Variants in RPS16 observed in about 807,000 individuals in gnomAD.
RPS16 encodes the protein small ribosomal subunit protein uS9.
RPS16 carries 2 observed loss-of-function variants against 20.1 expected under a neutral mutation model. That is an observed-to-expected ratio of 0.10 (90% CI 0.04 to 0.31). RPS16 has a LOEUF of 0.31. Among genes scored for constraint, RPS16 ranks in the 10% least tolerant of loss-of-function variants. The pLI, the probability that RPS16 is intolerant of heterozygous loss-of-function variation, is 1.00. For synonymous variants in RPS16, 95 were observed against 76.1 expected, an observed-to-expected ratio of 1.25 and a Z score of -1.29; for missense variants, 129 against 198.6, an observed-to-expected ratio of 0.65 and a Z score of 2.11.
Position 39,435,799 on chromosome 19 carries a change from A to ACCCTGGCCTTCTCCTTCCCCTC in RPS16, c.48+27_48+48dup, listed in dbSNP as rs1171394072. 1.9e-6 allele frequency: 3 copies of ACCCTGGCCTTCTCCTTCCCCTC among 1,608,738 alleles called. No individual in the cohort carries two copies. The Admixed American group carries it at 5.0e-5, about 27-fold the overall frequency. ...ATTCCTGCCCACCGACCTCTCCCAGACCCTGGCCTTCTCCTTCCCCTCCCC... is the reference window on the plus strand; with the variant it reads ...ATTCCTGCCCACCGACCTCTCCCAGACCCTGGCCTTCTCCTTCCCCTCCCCTGGCCTTCTCCTTCCCCTCCCC... On this transcript the variant is annotated intron_variant, in intron 1 of 4. Transcript: ENST00000251453.
chr19:39,435,342 C>T (rs967462499), intron 2 of RPS16: 1 of 486,200 alleles, frequency 2.1e-6, no homozygotes, highest in Non-Finnish European at 3.6e-6. Flanking sequence ...TCCCTTCACC[C>T]TTTGGGTCCC....
In RPS16 at chr19:39,433,779, G is replaced by C. The variant is rs770955255; in HGVS notation, c.151-18C>G. On this transcript the variant is annotated intron_variant, in intron 2 of 4. Coordinates refer to ENST00000251453, the MANE Select transcript of RPS16 (RefSeq NM_001020.6). ...TCCAGCAGCTAAAGGAATGGGGAAT[G>C]AACAGGGATTTAAGTTACATGCTGG... The C allele has an allele frequency of 1.2e-6, 2 of 1,612,282 alleles. No individual in the cohort carries two copies. Among genetic ancestry groups the C allele is most frequent in the South Asian group, 1.1e-5 (1 of 90,874 alleles).
chr19:39,435,644 G>T lies in RPS16; in HGVS notation c.113C>A (p.Pro38His), dbSNP rs761443131. Residue 38 changes from proline (P) to histidine (H), a missense_variant, in exon 2 of 5, where the codon CCC (proline) becomes CAC (histidine). By Grantham distance (77) the Pro-to-His change is moderately conservative. This residue lies in a region of RPS16 where 117 missense variants were observed against 151.4 expected (regional missense o/e 0.77). Transcript: ENST00000251453. ...GNGLIKVNGR[P>H]LEMIEPRTLQ... ...CGTGCGCGGCTCAATCATCTCCAGG[G>T]GCCGCCCGTTCACCTTGATGAGACC... 2 of 1,613,942 alleles carry T rather than the reference G, an allele frequency of 1.2e-6. No individual in the cohort carries two copies. Among genetic ancestry groups the T allele is most frequent in the Non-Finnish European group, 1.7e-6 (2 of 1,180,028 alleles).
chr19:39,435,878 C>T lies in RPS16; in HGVS notation c.18G>A (p.Pro6=), dbSNP rs1251567946. Residue 6 remains proline, a synonymous_variant, in exon 1 of 5, where the codon CCG becomes CCA. Transcript: ENST00000251453. ...GTCCGAAGACCTGCACAGACTGCAGCGGGCCCTTGGACGGCATGGCTCCGA... is the reference window on the plus strand; with the variant it reads ...GTCCGAAGACCTGCACAGACTGCAGTGGGCCCTTGGACGGCATGGCTCCGA... The part of the protein sequence containing the change: MPSKG[P]LQSVQVFGRK... 1 of 1,607,952 alleles carries T rather than the reference C, an allele frequency of 6.2e-7. No homozygotes were observed. Among genetic ancestry groups the T allele is most frequent in the Non-Finnish European group, 8.5e-7 (1 of 1,179,968 alleles).
chr19:39,433,671 T>C lies in RPS16; in HGVS notation c.241A>G (p.Ile81Val). The part of the protein sequence containing the change: ...RVKGGGHVAQ[I>V]YAIRQSISKA... ...CCCAGTTCCTGGGACTCACCATAAA[T>C]CTGGGCCACGTGACCACCACCCTTT... The change falls in exon 3 of 5, where the codon ATT becomes GTT. Residue 81 changes from isoleucine to valine, a missense_variant. By Grantham distance (29) the Ile-to-Val change is conservative. This residue lies in a region of RPS16 where 117 missense variants were observed against 151.4 expected (regional missense o/e 0.77). Coordinates refer to ENST00000251453, the MANE Select transcript of RPS16 (RefSeq NM_001020.6). 6.2e-7 allele frequency: 1 copy of C among 1,614,142 alleles called. No homozygotes were observed. The highest frequency in any genetic ancestry group is 1.7e-5 in the Admixed American group (1 of 60,014).
chr19:39,433,749 C>G lies in RPS16; in HGVS notation c.163G>C (p.Val55Leu), dbSNP rs370701690. 4 of 1,614,014 alleles carry G rather than the reference C, an allele frequency of 2.5e-6. No individual in the cohort carries two copies. In the African/African-American group the frequency reaches 5.3e-5, roughly 22 times the overall value. The change falls in exon 3 of 5, where the codon GTT becomes CTT. Residue 55 changes from valine to leucine, a missense_variant. By Grantham distance (32) the Val-to-Leu change is conservative. Transcript: ENST00000251453. ...RTLQYKLLEP[V>L]LLLGKERFAG... The stretch of plus-strand genomic sequence containing the variant: ...AATCGCTCCTTGCCGAGAAGCAGAA[C>G]TGGCTCCAGCAGCTAAAGGAATGGG...
chr19:39,435,392 C>A (rs952924092), intron 2 of RPS16: 55 of 551,490 alleles, frequency 1.0e-4, no homozygotes, highest in Non-Finnish European at 1.6e-4. Flanking sequence ...TCCCAGTTCT[C>A]AAAGCAAACC....
Position 39,435,908 on chromosome 19 carries a change from G to T in RPS16, c.-13C>A, listed in dbSNP as rs371099667. Reference sequence around the variant, plus strand: ...CCTTGGACGGCATGGCTCCGAGCGTGGACTAGACAACCTCACCGCGCGGCG... The same window carrying T: ...CCTTGGACGGCATGGCTCCGAGCGTTGACTAGACAACCTCACCGCGCGGCG... On this transcript the variant is annotated 5_prime_UTR_variant, in exon 1 of 5. Transcript: ENST00000251453. 7.5e-6 allele frequency: 12 copies of T among 1,604,076 alleles called. No individual in the cohort carries two copies. Among genetic ancestry groups the T allele is most frequent in the Middle Eastern group, 1.7e-4 (1 of 6,060 alleles).
In RPS16 at chr19:39,433,338, G is replaced by A. The variant is rs577860699; in HGVS notation, c.376C>T (p.Arg126Cys). ...CCTCCAAACTTTTTGGACTCGCAGC[G>A]ACGAGGGTCAGCTACCAGCAGGGTC... ...DRTLLVADPR[R>C]CESKKFGGPG... Residue 126 changes from arginine (R) to cysteine (C), a missense_variant, in exon 5 of 5, where the codon CGC (arginine) becomes TGC (cysteine). Arg to Cys is a radical substitution (Grantham distance 180). This residue lies in a region of RPS16 where 12 missense variants were observed against 47.2 expected (regional missense o/e 0.25). Coordinates refer to ENST00000251453, the MANE Select transcript of RPS16 (RefSeq NM_001020.6). The A allele has an allele frequency of 2.4e-5, 38 of 1,614,052 alleles. No individual in the cohort carries two copies. Among genetic ancestry groups the A allele is most frequent in the African/African-American group, 6.7e-5 (5 of 75,034 alleles).
intron 2 of RPS16, chr19:39,435,041 G>GCAATCCC (rs2078852678): frequency 6.5e-6 from 1 of 152,804 alleles, no homozygotes. Context: ...GCTGACGCCT[G>GCAATCCC]CAATCCCAGC....
At position 39,433,312 on chromosome 19, in the gene RPS16, G is replaced by A. The variant is rs17627; in HGVS notation, c.402C>T (p.Gly134=). Residue 134 remains glycine (G), a synonymous_variant, in exon 5 of 5, where the codon GGC becomes GGT. Coordinates refer to ENST00000251453, the MANE Select transcript of RPS16 (RefSeq NM_001020.6). ...TCTGGTAGCGAGCGCGGGCACCAGG[G>A]CCTCCAAACTTTTTGGACTCGCAGC... The part of the protein sequence containing the change: ...PRRCESKKFG[G]PGARARYQKS... 0.2 allele frequency: 316,110 copies of A among 1,612,860 alleles called. 33,943 individuals are homozygous for A. The highest frequency in any genetic ancestry group is 0.41 in the African/African-American group (30,851 of 74,870).
rs2146043551 is a variant in RPS16 at position 39,435,504 on chromosome 19, A to G, written c.150+103T>C. 5.6e-6 allele frequency: 5 copies of G among 888,086 alleles called. No homozygotes were observed. In the South Asian group the frequency reaches 7.7e-5, roughly 14 times the overall value. The allele number at this position is 888,086 out of a possible 1,614,324, so 55.0% of individuals were successfully genotyped here. On this transcript the variant is annotated intron_variant, in intron 2 of 4. Coordinates refer to ENST00000251453, the MANE Select transcript of RPS16 (RefSeq NM_001020.6). ...TGTTCTACACCCAACACAACTTCTA[A>G]ACATCCCGTTGCTGATGCCAGCCCC...
chr19:39,434,922 G>A (rs2078851859), intron 2 of RPS16: 1 of 152,218 alleles, frequency 6.6e-6, no homozygotes, highest in Non-Finnish European at 1.5e-5. Flanking sequence ...ATCAGACTCT[G>A]GTTTCTTTCC....
In RPS16 at chr19:39,433,721, G is replaced by A; in HGVS notation, c.191C>T (p.Ala64Val). The part of the protein sequence containing the change: ...PVLLLGKERF[A>V]GVDIRVRVKG... ...TACACGGACACGGATGTCTACACCA[G>A]CAAATCGCTCCTTGCCGAGAAGCAG... Residue 64 changes from alanine (A) to valine (V), a missense_variant, in exon 3 of 5, where the codon GCT (alanine) becomes GTT (valine). Physicochemically the swap from Ala to Val is moderately conservative, Grantham distance 64. Around this residue, in one of 2 missense-constraint regions of RPS16, gnomAD observed 117 missense variants for 151.4 expected, o/e 0.77. Coordinates refer to ENST00000251453, the MANE Select transcript of RPS16 (RefSeq NM_001020.6). The A allele has an allele frequency of 6.2e-7, 1 of 1,614,136 alleles. No individual in the cohort carries two copies. Among genetic ancestry groups the A allele is most frequent in the African/African-American group, 1.3e-5 (1 of 75,050 alleles).
rs771275226 is a variant in RPS16, at chr19:39,433,370, T to C, written c.344A>G (p.Tyr115Cys). Residue 115 changes from tyrosine to cysteine, a missense_variant, in exon 5 of 5, where the codon TAT becomes TGT. By Grantham distance (194) the Tyr-to-Cys change is radical (BLOSUM62 -2). This residue lies in a region of RPS16 where 117 missense variants were observed against 151.4 expected (regional missense o/e 0.77). Coordinates refer to ENST00000251453, the MANE Select transcript of RPS16 (RefSeq NM_001020.6). ...KKEIKDILIQ[Y>C]DRTLLVADPR... ...GTCAGCTACCAGCAGGGTCCGGTCA[T>C]ACTGGATGAGGATGTCTTTGATCTC... 2 of 1,614,066 alleles carry C rather than the reference T, an allele frequency of 1.2e-6. No homozygotes were observed. Among genetic ancestry groups the C allele is most frequent in the Non-Finnish European group, 1.7e-6 (2 of 1,180,042 alleles).
In RPS16 at chr19:39,433,764, A is replaced by G; in HGVS notation, c.151-3T>C. On this transcript the variant is annotated splice_polypyrimidine_tract_variant and splice_region_variant and intron_variant, in intron 2 of 4. Coordinates refer to ENST00000251453, the MANE Select transcript of RPS16 (RefSeq NM_001020.6). Reference sequence around the variant, plus strand: ...AGAAGCAGAACTGGCTCCAGCAGCTAAAGGAATGGGGAATGAACAGGGATT... The same window carrying G: ...AGAAGCAGAACTGGCTCCAGCAGCTGAAGGAATGGGGAATGAACAGGGATT... 1.2e-6 allele frequency: 2 copies of G among 1,613,400 alleles called. No individual in the cohort carries two copies. Among genetic ancestry groups the G allele is most frequent in the South Asian group, 1.1e-5 (1 of 91,042 alleles).
intron 4 of RPS16, 26 bp downstream of exon 4, chr19:39,433,495 TC>T (rs2078841825): frequency 6.2e-7 from 1 of 1,613,150 alleles, no homozygotes; most frequent in Non-Finnish European, 8.5e-7. Context: ...CCCATCTACC[TC>T]ATGGGAAGGA....
chr19:39,435,637 C>T lies in RPS16; in HGVS notation c.120G>A (p.Glu40=), dbSNP rs779856962. ...GLIKVNGRPL[E]MIEPRTLQYK... ...ACTGTAGCGTGCGCGGCTCAATCAT[C>T]TCCAGGGGCCGCCCGTTCACCTTGA... The change falls in exon 2 of 5, where the codon GAG becomes GAA. Residue 40 remains glutamate (E), a synonymous_variant. Transcript: ENST00000251453. The T allele has an allele frequency of 9.3e-6, 15 of 1,613,990 alleles. No homozygotes were observed. The highest frequency in any genetic ancestry group is 1.2e-5 in the Non-Finnish European group (14 of 1,180,036).
In RPS16 at chr19:39,433,470, C is replaced by T. The variant is rs376754375; in HGVS notation, c.295+52G>A. On this transcript the variant is annotated intron_variant, in intron 4 of 4. Transcript: ENST00000251453. ...TTAGATAATCACACAGAGTCCTTGA[C>T]TTGATCCCCACACACCCATCTACCT... The T allele has an allele frequency of 4.0e-4, 647 of 1,612,972 alleles. 2 individuals are homozygous for T. In the African/African-American group the frequency reaches 7.9e-3, roughly 20 times the overall value.
Sources: allele counts gnomAD v4.1 joint callset, GRCh38; gene constraint gnomAD v4.1.1; regional missense constraint gnomAD v4.1.1; transcripts MANE v1.5; gene names NCBI Gene and HGNC (gene_info 2026-07-23, HGNC 2026-07-21).